Variants in SAMD5 observed in about 807,000 individuals in gnomAD.
The protein encoded by SAMD5 is sterile alpha motif domain-containing protein 5.
In SAMD5, 13 loss-of-function variants were observed where a neutral mutation model predicts 11.3. The observed-to-expected ratio is 1.15, with a 90% CI of 0.75 to 1.83. SAMD5 has a LOEUF of 1.83. Among genes scored for constraint, SAMD5 ranks in the 40% most tolerant of loss-of-function variants. The pLI, the probability that SAMD5 is intolerant of heterozygous loss-of-function variation, is 0.00. For missense variants in SAMD5, 255 were observed against 239.1 expected, an observed-to-expected ratio of 1.07 and a Z score of -0.44; for synonymous variants, 129 against 111.3, an observed-to-expected ratio of 1.16 and a Z score of -1.00.
the SAMD5 span, among the ~76,000 whole-genome samples, chr6:147,756,405 A>G: frequency 2.6e-5 from 4 of 152,180 alleles, no homozygotes; most frequent in African/African-American, 7.2e-5. Flanking sequence ...TAGTAAATAC[A>G]TTAAGCATTT....
intron 1 of SAMD5, among the ~76,000 whole-genome samples, chr6:147,683,528 T>G (rs1246422539): frequency 1.3e-5 from 2 of 152,224 alleles, no homozygotes; most frequent in East Asian, 3.9e-4. Context: ...TGAAACTGGC[T>G]TTTCCTCCTC....
the SAMD5 span, among the ~76,000 whole-genome samples, chr6:147,908,665 G>A: frequency 6.6e-6 from 1 of 152,014 alleles, no homozygotes; most frequent in Non-Finnish European, 1.5e-5. Context: ...ATACATATAT[G>A]TGCATACAGC....
rs181350136 is a variant in SAMD5 at position 147,518,445 on chromosome 6, A to G, written c.459+9058A>G. Among the ~76,000 whole-genome samples the G allele has an allele frequency of 2.2e-4, 33 of 152,358 alleles. No homozygotes were observed. The East Asian group carries it at 6.2e-3, about 28-fold the overall frequency. On this transcript the variant is annotated intron_variant, in intron 1 of 1. Coordinates refer to ENST00000367474, the MANE Select transcript of SAMD5 (RefSeq NM_001030060.3). ...AATAAGGTAGAAATAAGAACTATAT[A>G]TATGGATAAACATGCAATTCTTTTC...
chr6:147,613,920 T>A (rs1456761927), intron 1 of SAMD5, among the ~76,000 whole-genome samples: 1 of 151,940 alleles, frequency 6.6e-6, no homozygotes, highest in Admixed American at 6.5e-5. Context: ...TCCTCTCCTA[T>A]CCTTCTGGTG....
At chr6:147,876,903 TA>T in the SAMD5 span, among the ~76,000 whole-genome samples, 1 of 152,044 alleles carries the variant, frequency 6.6e-6, no homozygotes, top group Non-Finnish European at 1.5e-5. Flanking sequence ...ATTGTTGTAT[TA>T]AAATCAGATA....
intron 1 of SAMD5, among the ~76,000 whole-genome samples, chr6:147,538,188 A>C (rs188210308): frequency 4.9e-4 from 75 of 152,320 alleles, no homozygotes; most frequent in African/African-American, 1.7e-3. Flanking sequence ...TTAGTGTTTT[A>C]ACCTATGGAA....
intron 1 of SAMD5, among the ~76,000 whole-genome samples, chr6:147,582,302 G>C (rs1017162773): frequency 1.3e-5 from 2 of 150,430 alleles, no homozygotes; most frequent in Non-Finnish European, 3.0e-5. Context: ...AGGAGGTGGA[G>C]GTTGCAATGA....
the SAMD5 span, among the ~76,000 whole-genome samples, chr6:147,925,164 G>A: frequency 6.6e-6 from 1 of 152,156 alleles, no homozygotes. Flanking sequence ...ATGTAATTAG[G>A]TCACGAGGGT....
chr6:147,556,097 AT>A lies in SAMD5; in HGVS notation c.460-8284del, dbSNP rs547495261. On this transcript the variant is annotated intron_variant, in intron 1 of 1. Transcript: ENST00000367474. ...TAATGCATTTACTAGTGTTATTATTATTTTTTTTTTTTTGAGATGGAGTCTT... is the reference window on the plus strand; with the variant it reads ...TAATGCATTTACTAGTGTTATTATTATTTTTTTTTTTTGAGATGGAGTCTT... Among the ~76,000 whole-genome samples the A allele has an allele frequency of 6.7e-3, 974 of 146,348 alleles. 10 individuals carry two copies. Among genetic ancestry groups the A allele is most frequent in the African/African-American group, 0.019 (783 of 40,282 alleles).
At chr6:147,859,154 C>T in the SAMD5 span, among the ~76,000 whole-genome samples, 3 of 152,080 alleles carry the variant, frequency 2.0e-5, no homozygotes, top group Middle Eastern at 3.2e-3. Flanking sequence ...GGGCATTCCC[C>T]CAGGTGTGCT....
At chr6:147,693,268 C>G (rs1435892548) in intron 1 of SAMD5, among the ~76,000 whole-genome samples, 1 of 152,198 alleles carries the variant, frequency 6.6e-6, no homozygotes, top group African/African-American at 2.4e-5. Flanking sequence ...TGTGTGTGCC[C>G]TTCTTCCCCA....
chr6:147,877,847 T>TAAACAC, the SAMD5 span, among the ~76,000 whole-genome samples: 33 of 113,120 alleles, frequency 2.9e-4, no homozygotes, highest in African/African-American at 1.1e-3. Flanking sequence ...TTTATATAAA[T>TAAACAC]ACACACACAC....
the SAMD5 span, among the ~76,000 whole-genome samples, chr6:147,938,111 G>T: frequency 6.6e-6 from 1 of 152,164 alleles, no homozygotes; most frequent in African/African-American, 2.4e-5. Flanking sequence ...AGGAGATACT[G>T]GCTTAAAGTA....
rs149130391 is a variant in SAMD5 at position 147,519,988 on chromosome 6, G to A, written c.459+10601G>A. On this transcript the variant is annotated intron_variant, in intron 1 of 1. Coordinates refer to ENST00000367474, the MANE Select transcript of SAMD5 (RefSeq NM_001030060.3). ...CTTCCCTCTGCCTGGTCCTTGAAACGTGATCACTTTAAGAGAAGTTTATTT... is the reference window on the plus strand; with the variant it reads ...CTTCCCTCTGCCTGGTCCTTGAAACATGATCACTTTAAGAGAAGTTTATTT... 1.8e-3 allele frequency among the ~76,000 whole-genome samples: 274 copies of A among 152,252 alleles called. 2 individuals are homozygous for A. Among genetic ancestry groups the A allele is most frequent in the Non-Finnish European group, 3.2e-3 (219 of 68,016 alleles).
Position 147,508,918 on chromosome 6 carries a change from C to G in SAMD5, c.-11C>G. ...GGGAAGGTGCTCGGCGGCGGGGTTC[C>G]CGGTCCCACCATGTGCACCAACATA... On this transcript the variant is annotated 5_prime_UTR_variant, in exon 1 of 2. Coordinates refer to ENST00000367474, the MANE Select transcript of SAMD5 (RefSeq NM_001030060.3). 6.3e-7 allele frequency: 1 copy of G among 1,586,400 alleles called. No homozygotes were observed.
the SAMD5 span, among the ~76,000 whole-genome samples, chr6:147,933,862 A>T: frequency 6.6e-6 from 1 of 152,202 alleles, no homozygotes; most frequent in African/African-American, 2.4e-5. Flanking sequence ...AAGGTACCAG[A>T]TTATGTGCCA....
intron 1 of SAMD5, among the ~76,000 whole-genome samples, chr6:147,526,179 T>C (rs1399878645): frequency 1.3e-5 from 2 of 152,244 alleles, no homozygotes. Context: ...GGGAAACCAC[T>C]TTAAAACTGG....
chr6:147,677,546 G>T (rs113153751), intron 1 of SAMD5, among the ~76,000 whole-genome samples: 1 of 152,104 alleles, frequency 6.6e-6, no homozygotes, highest in Admixed American at 6.5e-5. Flanking sequence ...GAGAGAATGG[G>T]ATTGAGTTGA....
chr6:147,564,379 T>A lies in SAMD5; in HGVS notation c.460-15T>A, dbSNP rs1789002091. The A allele has an allele frequency of 1.3e-6, 1 of 780,558 alleles. No homozygotes were observed. The highest frequency in any genetic ancestry group is 2.4e-5 in the East Asian group (1 of 41,212). The allele number at this position is 780,558 out of a possible 1,614,324, so 48.4% of individuals were successfully genotyped here. On this transcript the variant is annotated splice_polypyrimidine_tract_variant and intron_variant, in intron 1 of 1. Coordinates refer to ENST00000367474, the MANE Select transcript of SAMD5 (RefSeq NM_001030060.3). ...AAGGAGAACTTCAATAACCCAGATA[T>A]GTTCAAATCCACAGGTCCCAATGGC...
Sources: allele counts gnomAD v4.1 joint callset (sites outside exome capture counted in the v4.1 genomes callset), GRCh38; gene constraint gnomAD v4.1.1; transcripts MANE v1.5; gene names NCBI Gene and HGNC (gene_info 2026-07-23, HGNC 2026-07-21).